Variants in CLEC12A observed in about 807,000 individuals in gnomAD.
CLEC12A encodes the protein C-type lectin domain family 12 member A.
In CLEC12A, 22 loss-of-function variants were observed where a neutral mutation model predicts 26.5. The observed-to-expected ratio is 0.83, with a 90% CI of 0.59 to 1.19. The LOEUF is 1.19. Ranked by LOEUF, CLEC12A falls within the 50% of genes most tolerant of loss-of-function variation. The pLI is 0.00. For synonymous variants in CLEC12A, 119 were observed against 101.9 expected (o/e 1.17, Z -1.01); for missense variants, 353 against 315.6 (o/e 1.12, Z -0.90).
chr12:9,985,555 T>C lies in CLEC12A; in HGVS notation c.*529T>C, dbSNP rs1333052037. On this transcript the variant is annotated 3_prime_UTR_variant, in exon 6 of 6. Transcript: ENST00000304361. ...ATGCATTTATTACCTCTTAAAATTA[T>C]TATTTTAAGTAAAAGCCAATAAACA... The C allele has an allele frequency of 5.0e-6, 2 of 398,446 alleles. No homozygotes were observed. The highest frequency in any genetic ancestry group is 7.1e-5 in the East Asian group (2 of 28,080). 24.7% of individuals were successfully genotyped at this position (398,446 alleles called of 1,614,324 possible). A position where few individuals can be genotyped will look rare whatever the true frequency, so the allele number is the denominator to read the frequency against.
upstream of CLEC12A, among the ~76,000 whole-genome samples, chr12:9,967,923 G>C (rs147772593): frequency 3.9e-5 from 6 of 152,120 alleles, no homozygotes; most frequent in Non-Finnish European, 8.8e-5. Context: ...GATTCCAAAG[G>C]GAAGACTGTC....
chr12:9,993,021 TA>T, intron 4 of CLEC12A: 1 of 864,228 alleles, frequency 1.2e-6, no homozygotes, highest in Non-Finnish European at 1.8e-6. Flanking sequence ...AAGATAATAT[TA>T]AAAATAACTC....
At chr12:9,996,013 A>C (rs1865036903), downstream of CLEC12A, among the ~76,000 whole-genome samples, 1 of 152,184 alleles carries the variant, frequency 6.6e-6, no homozygotes, top group Non-Finnish European at 1.5e-5. Flanking sequence ...AAATTATGTG[A>C]AGGCCAAATG....
intron 1 of CLEC12A, among the ~76,000 whole-genome samples, chr12:9,972,308 T>A (rs1864161537): frequency 6.6e-6 from 1 of 152,164 alleles, no homozygotes; most frequent in Non-Finnish European, 1.5e-5. Flanking sequence ...AAAACCACAT[T>A]ATATCAAGTA....
At chr12:9,989,185 G>A (rs1435295343), downstream of CLEC12A, among the ~76,000 whole-genome samples, 5 of 149,778 alleles carry the variant, frequency 3.3e-5, no homozygotes, top group Non-Finnish European at 7.4e-5. Flanking sequence ...GACACAGGAA[G>A]GGGAACATCA....
At chr12:9,994,239 G>C (rs377252402) in intron 4 of CLEC12A, among the ~76,000 whole-genome samples, 1 of 152,010 alleles carries the variant, frequency 6.6e-6, no homozygotes, top group Non-Finnish European at 1.5e-5. Context: ...GTAACAAAAC[G>C]AGTTTGATTT....
intron 1 of CLEC12A, among the ~76,000 whole-genome samples, chr12:9,962,889 T>A (rs1863861255): frequency 6.6e-6 from 1 of 152,058 alleles, no homozygotes; most frequent in Non-Finnish European, 1.5e-5. Flanking sequence ...GAAATAGTGG[T>A]AAAGTGTTGG....
intron 1 of CLEC12A, among the ~76,000 whole-genome samples, chr12:9,966,031 A>G (rs1391407341): frequency 2.0e-5 from 3 of 152,122 alleles, no homozygotes; most frequent in African/African-American, 7.2e-5. Context: ...AATTTAGTTA[A>G]AGTGTCTCAG....
At chr12:9,951,808 G>A in intron 1 of CLEC12A, 1 of 182,186 alleles carries the variant, frequency 5.5e-6, no homozygotes, top group South Asian at 1.3e-4. Context: ...GCATGTGGCT[G>A]TGGGCCAGTG....
At chr12:9,979,684 C>T (rs7313235) in intron 3 of CLEC12A, among the ~76,000 whole-genome samples, 160 bp downstream of exon 3, 45,320 of 151,970 alleles carry the variant, frequency 0.3, 7,060 homozygotes, top group East Asian at 0.46. Flanking sequence ...GATATTTCCA[C>T]GCAGTTAGAA....
At chr12:9,998,209 G>A, downstream of CLEC12A, 1 of 1,123,392 alleles carries the variant, frequency 8.9e-7, no homozygotes, top group Admixed American at 1.7e-5. Flanking sequence ...CCATTGAGAA[G>A]CTTAGTGGGA....
At chr12:9,956,712 G>C (rs1227095739) in intron 1 of CLEC12A, among the ~76,000 whole-genome samples, 3 of 152,196 alleles carry the variant, frequency 2.0e-5, no homozygotes, top group Non-Finnish European at 1.5e-5. Flanking sequence ...GATTAAAACA[G>C]ATTTTGCAAA....
chr12:9,954,303 T>G (rs1863705968), intron 1 of CLEC12A, among the ~76,000 whole-genome samples: 1 of 150,048 alleles, frequency 6.7e-6, no homozygotes. Context: ...GAGACCAGCC[T>G]GGGCAACATG....
At chr12:9,965,686 G>A (rs1455770105) in intron 1 of CLEC12A, among the ~76,000 whole-genome samples, 2 of 152,084 alleles carry the variant, frequency 1.3e-5, no homozygotes, top group East Asian at 3.8e-4. Flanking sequence ...TAACCTGTAA[G>A]CCTTGTCTGG....
At chr12:10,001,044 T>C in the CLEC12A span, among the ~76,000 whole-genome samples, 1 of 152,222 alleles carries the variant, frequency 6.6e-6, no homozygotes, top group East Asian at 1.9e-4. Flanking sequence ...AACAGGTACA[T>C]ATGAAAACTT....
Position 9,980,621 on chromosome 12 carries a change from A to G in CLEC12A, c.419A>G (p.His140Arg), listed in dbSNP as rs1028887241. Residue 140 changes from histidine to arginine, a missense_variant, in exon 4 of 6, where the codon CAT (histidine) becomes CGT (arginine). Coordinates refer to ENST00000304361, the MANE Select transcript of CLEC12A (RefSeq NM_138337.6). The part of the protein sequence containing the change: ...CKPCPRRWIW[H>R]KDSCYFLSDD... ...CCTTGTCCAAGGAGATGGATTTGGC[A>G]TAAGGACAGCTGTTATTTCCTAAGT... The G allele has an allele frequency of 3.1e-6, 5 of 1,613,822 alleles. No individual in the cohort carries two copies. Among genetic ancestry groups the G allele is most frequent in the East Asian group, 4.5e-5 (2 of 44,898 alleles).
intron 5 of CLEC12A, chr12:9,983,695 C>G: frequency 1.9e-6 from 1 of 527,748 alleles, no homozygotes; most frequent in South Asian, 2.8e-5. Context: ...CCTGCATACT[C>G]ATCACATTGG....
rs532765960 is a variant in CLEC12A at position 9,993,570 on chromosome 12, A to G, written n.1005-1448A>G. On this transcript the variant is annotated intron_variant and non_coding_transcript_variant, in intron 4 of 4. Transcript: ENST00000449959. ...TGAAGAAGTGATGGAGATGGCTCCA[A>G]AATAATGGGAAAACGCATTATCTAC... is the stretch of plus-strand genomic sequence containing the variant. 1.5e-4 allele frequency among the ~76,000 whole-genome samples: 23 copies of G among 152,250 alleles called. No homozygotes were observed. The South Asian group carries it at 1.9e-3, about 12-fold the overall frequency.
upstream of CLEC12A, among the ~76,000 whole-genome samples, chr12:9,967,164 G>A (rs1591817551): frequency 6.6e-6 from 1 of 151,944 alleles, no homozygotes; most frequent in African/African-American, 2.4e-5. Flanking sequence ...GGTCACATGG[G>A]TTTGTAGAAA....
Sources: gnomAD v4.1 joint callset for allele counts (sites outside exome capture counted in the v4.1 genomes callset) on GRCh38, gnomAD v4.1.1 for gene constraint, MANE v1.5 for transcripts, NCBI Gene and HGNC (gene_info 2026-07-23, HGNC 2026-07-21) for gene names.